The following RAPH1 variants were observed in gnomAD, a reference collection of about 807,000 sequenced individuals.
RAPH1 encodes the protein Ras association (RalGDS/AF-6) and pleckstrin homology domains 1, also known as ras-associated and pleckstrin homology domains-containing protein 1.
In RAPH1, 18 loss-of-function variants were observed where a neutral mutation model predicts 88.1. That is an observed-to-expected ratio of 0.20 (90% CI 0.14 to 0.30). The LOEUF (loss-of-function observed/expected upper bound fraction) is 0.30. Ranked by LOEUF, RAPH1 falls within the 10% of genes least tolerant of loss-of-function variation. The probability of loss-of-function intolerance (pLI) is 1.00; values close to 1 mark genes in which losing one functional copy is unlikely to be tolerated. For missense variants in RAPH1, 1,448 were observed against 1,543.2 expected (o/e 0.94, Z 1.03); for synonymous variants, 587 against 559.0 (o/e 1.05, Z -0.71).
chr2:203,447,833 A>G, intron 12 of RAPH1, 126 bp downstream of exon 12: 3 of 915,000 alleles, frequency 3.3e-6, no homozygotes, highest in Non-Finnish European at 4.8e-6. Flanking sequence ...TCTATTGATT[A>G]TAATTTAGGA....
At chr2:203,449,856 C>T (rs2098513264) in intron 10 of RAPH1, among the ~76,000 whole-genome samples, 1 of 151,986 alleles carries the variant, frequency 6.6e-6, no homozygotes, top group Admixed American at 6.6e-5. Context: ...AACCCCGTCT[C>T]TATTAAAAAT....
chr2:203,466,557 T>A (rs1464630517), intron 4 of RAPH1, among the ~76,000 whole-genome samples: 1 of 152,238 alleles, frequency 6.6e-6, no homozygotes, highest in Non-Finnish European at 1.5e-5. Context: ...CCAAGTTTAA[T>A]ACAAAAGACA....
intron 4 of RAPH1, among the ~76,000 whole-genome samples, chr2:203,473,887 A>AT (rs796654082): frequency 2.0e-4 from 30 of 152,160 alleles, no homozygotes; most frequent in African/African-American, 7.2e-4. Flanking sequence ...GTATTCAACC[A>AT]TTTTTTAGGC....
intron 1 of RAPH1, among the ~76,000 whole-genome samples, chr2:203,526,060 T>C (rs1488992615): frequency 6.6e-6 from 1 of 152,192 alleles, no homozygotes; most frequent in Non-Finnish European, 1.5e-5. Context: ...ATTACTAAGT[T>C]AAATACTTAA....
intron 4 of RAPH1, among the ~76,000 whole-genome samples, chr2:203,470,551 C>G (rs148698361): frequency 6.6e-6 from 1 of 152,334 alleles, no homozygotes; most frequent in Non-Finnish European, 1.5e-5. Flanking sequence ...CTGACTCCTG[C>G]TGATCCCTCC....
chr2:203,483,853 A>G (rs1687838255), intron 4 of RAPH1, among the ~76,000 whole-genome samples: 1 of 152,142 alleles, frequency 6.6e-6, no homozygotes, highest in African/African-American at 2.4e-5. Context: ...CAGTCTTTGT[A>G]CTGCAGGCCT....
intron 1 of RAPH1, among the ~76,000 whole-genome samples, chr2:203,525,273 C>T (rs1690062344): frequency 6.6e-6 from 1 of 152,128 alleles, no homozygotes. Context: ...GCAGCCTCCG[C>T]CTCCTGGGTT....
chr2:203,461,501 T>A, intron 5 of RAPH1, 93 bp from the exon 6 acceptor site: 1 of 929,494 alleles, frequency 1.1e-6, no homozygotes, highest in Non-Finnish European at 1.5e-6. Context: ...TGGATTAATG[T>A]ATTTGTATAT....
At chr2:203,478,072 G>A (rs1419642450) in intron 4 of RAPH1, among the ~76,000 whole-genome samples, 12 of 148,280 alleles carry the variant, frequency 8.1e-5, no homozygotes, top group South Asian at 2.1e-4. Context: ...TTGCTCAGTC[G>A]CCCAGGCTGG....
intron 2 of RAPH1, 168 bp downstream of exon 2, chr2:203,495,066 A>G (rs1688452499): frequency 3.2e-6 from 2 of 620,992 alleles, no homozygotes; most frequent in South Asian, 3.1e-5. Flanking sequence ...TAGATTCTTA[A>G]TATCTTCTGT....
At chr2:203,494,547 G>C (rs531545638) in intron 2 of RAPH1, among the ~76,000 whole-genome samples, 1 of 152,056 alleles carries the variant, frequency 6.6e-6, no homozygotes, top group Non-Finnish European at 1.5e-5. Context: ...GGTGGCTCAC[G>C]CCTGTAATCC....
chr2:203,534,984 C>G (rs1170603689), intron 1 of RAPH1, 127 bp downstream of exon 1: 1 of 152,252 alleles, frequency 6.6e-6, no homozygotes, highest in Non-Finnish European at 1.5e-5. Flanking sequence ...TGCCGCCGAC[C>G]GTACCGCACC....
At chr2:203,493,971 CAAA>C (rs397937732) in intron 2 of RAPH1, among the ~76,000 whole-genome samples, 3 of 18,964 alleles carry the variant, frequency 1.6e-4, no homozygotes, top group African/African-American at 2.7e-4. Context: ...GACTCTATCT[CAAA>C]AAAAAAAAAA....
chr2:203,527,664 T>C (rs1236956309), intron 1 of RAPH1, among the ~76,000 whole-genome samples: 1 of 151,772 alleles, frequency 6.6e-6, no homozygotes, highest in Non-Finnish European at 1.5e-5. Context: ...GCCGGGCGTG[T>C]TGGCGCATGC....
At chr2:203,486,849 C>A (rs1021033342) in intron 4 of RAPH1, among the ~76,000 whole-genome samples, 1 of 152,156 alleles carries the variant, frequency 6.6e-6, no homozygotes, top group African/African-American at 2.4e-5. Context: ...TTCTATACTC[C>A]TAGGTGAGGC....
chr2:203,479,809 G>A (rs1327449079), intron 4 of RAPH1, among the ~76,000 whole-genome samples: 1 of 151,722 alleles, frequency 6.6e-6, no homozygotes, highest in Non-Finnish European at 1.5e-5. Flanking sequence ...GAATAAAAAG[G>A]GATTATAGAA....
intron 4 of RAPH1, among the ~76,000 whole-genome samples, chr2:203,467,993 C>T (rs1271891389): frequency 6.6e-6 from 1 of 152,018 alleles, no homozygotes; most frequent in Non-Finnish European, 1.5e-5. Flanking sequence ...TGGTCTTGAA[C>T]TCCTGGGCTT....
intron 12 of RAPH1, chr2:203,447,009 C>T (rs1340098034): frequency 1.3e-5 from 2 of 152,088 alleles, no homozygotes; most frequent in Admixed American, 6.5e-5. Context: ...ACCTAGGCCT[C>T]CCAAAGCATT....
At chr2:203,462,829 T>C (rs1202921682) in intron 4 of RAPH1, among the ~76,000 whole-genome samples, 1 of 152,220 alleles carries the variant, frequency 6.6e-6, no homozygotes, top group Non-Finnish European at 1.5e-5. Flanking sequence ...AAAAAACTTG[T>C]ATAAGTAAAC....
Sources: gnomAD v4.1 joint callset for allele counts (sites outside exome capture counted in the v4.1 genomes callset) on GRCh38, gnomAD v4.1.1 for gene constraint, MANE v1.5 for transcripts, NCBI Gene and HGNC (gene_info 2026-07-23, HGNC 2026-07-21) for gene names.